The following MAN1A2 variants were observed in gnomAD, a reference collection of about 807,000 sequenced individuals.
The protein encoded by MAN1A2 is mannosidase alpha class 1A member 2.
MAN1A2 carries 26 observed loss-of-function variants against 75.7 expected under a neutral mutation model. The ratio of observed to expected loss-of-function variants is 0.34; its 90% confidence interval spans 0.25 to 0.48. The LOEUF is 0.48. Ranked by LOEUF, MAN1A2 falls within the 20% of genes least tolerant of loss-of-function variation. The pLI, the probability that MAN1A2 is intolerant of heterozygous loss-of-function variation, is 0.99. For missense variants in MAN1A2, 562 were observed against 775.5 expected (o/e 0.72, Z 3.27); for synonymous variants, 247 against 264.6 (o/e 0.93, Z 0.65).
chr1:117,376,480 C>A (rs1256607591), intron 1 of MAN1A2, among the ~76,000 whole-genome samples: 1 of 152,252 alleles, frequency 6.6e-6, no homozygotes, highest in Non-Finnish European at 1.5e-5. Flanking sequence ...CGCGCCAAGG[C>A]TCGCTCACGC....
intron 1 of MAN1A2, among the ~76,000 whole-genome samples, chr1:117,377,270 GTTTTCATGAC>G (rs1462467920): frequency 6.6e-6 from 1 of 152,136 alleles, no homozygotes; most frequent in African/African-American, 2.4e-5. Flanking sequence ...TAATAAATAT[GTTTTCATGAC>G]CTAGATTTTT....
At chr1:117,458,496 T>TATATA (rs1649677538) in intron 6 of MAN1A2, among the ~76,000 whole-genome samples, 1 of 74,472 alleles carries the variant, frequency 1.3e-5, no homozygotes, top group African/African-American at 6.8e-5. Context: ...TATATATATA[T>TATATA]CTATATATAT....
At position 117,487,944 on chromosome 1, in the gene MAN1A2, A is replaced by G. The variant is rs1308179770; in HGVS notation, c.1169-5203A>G. Among the ~76,000 whole-genome samples, 3 of 152,108 alleles carry G rather than the reference A, an allele frequency of 2.0e-5. No individual in the cohort carries two copies. The East Asian group carries it at 5.8e-4, about 29-fold the overall frequency. On this transcript the variant is annotated intron_variant, in intron 8 of 12. Transcript: ENST00000356554. ...TAACTATAATCTATTGTATAAATCCATCATACATTACCATCCTTATAAAAT... is the reference window on the plus strand; with the variant it reads ...TAACTATAATCTATTGTATAAATCCGTCATACATTACCATCCTTATAAAAT...
rs533632485 is a variant in MAN1A2, at chr1:117,498,424, A to G, written c.1505-958A>G. ...GTTACTATAATTAAATATTTACTCC[A>G]TGAAACAGGGAACAGCCATTATATG... On this transcript the variant is annotated intron_variant, in intron 10 of 12. Transcript: ENST00000356554. Among the ~76,000 whole-genome samples, 183 of 152,028 alleles carry G rather than the reference A, an allele frequency of 1.2e-3. 1 individual carries two copies. The highest frequency in any genetic ancestry group is 2.3e-3 in the Non-Finnish European group (153 of 67,874).
chr1:117,503,359 C>T (rs559141344), intron 12 of MAN1A2, among the ~76,000 whole-genome samples: 1 of 151,548 alleles, frequency 6.6e-6, no homozygotes, highest in African/African-American at 2.4e-5. Context: ...TGGACTCATA[C>T]CTGAGCTCCC....
intron 12 of MAN1A2, among the ~76,000 whole-genome samples, chr1:117,509,940 T>A (rs756251639): frequency 6.6e-6 from 1 of 151,556 alleles, no homozygotes; most frequent in Non-Finnish European, 1.5e-5. Context: ...CATATAAAAA[T>A]ATATATAATA....
chr1:117,440,188 A>C (rs947109479), intron 5 of MAN1A2, among the ~76,000 whole-genome samples: 4 of 152,168 alleles, frequency 2.6e-5, no homozygotes, highest in Non-Finnish European at 4.4e-5. Context: ...TCTGTGTTAG[A>C]GAGAGACAAA....
intron 8 of MAN1A2, among the ~76,000 whole-genome samples, chr1:117,476,584 A>G (rs911278384): frequency 2.0e-5 from 3 of 152,100 alleles, no homozygotes; most frequent in Non-Finnish European, 4.4e-5. Context: ...ATGGCTAGCC[A>G]GTTTTCCCAA....
In MAN1A2 at chr1:117,368,190, A is replaced by G; in HGVS notation, c.7A>G (p.Thr3Ala). 6.2e-6 allele frequency: 10 copies of G among 1,609,212 alleles called. No homozygotes were observed. Among genetic ancestry groups the G allele is most frequent in the African/African-American group, 2.7e-5 (2 of 74,706 alleles). The part of the protein sequence containing the change: MT[T>A]PALLPLSGRR... Reference sequence around the variant, plus strand: ...CTCTCCAAGAGCGTAAACGATGACTACCCCAGCCCTGCTGCCCCTCTCTGG... The same window carrying G: ...CTCTCCAAGAGCGTAAACGATGACTGCCCCAGCCCTGCTGCCCCTCTCTGG... Residue 3 changes from threonine (T) to alanine (A), a missense_variant, in exon 1 of 13, where the codon ACC becomes GCC. Physicochemically the swap from Thr to Ala is moderately conservative, Grantham distance 58 (BLOSUM62 0). This residue lies in a region of MAN1A2 where 128 missense variants were observed against 129.8 expected (regional missense o/e 0.99). Transcript: ENST00000356554.
chr1:117,409,549 G>T (rs937235893), intron 3 of MAN1A2, among the ~76,000 whole-genome samples: 3 of 151,882 alleles, frequency 2.0e-5, no homozygotes, highest in African/African-American at 7.3e-5. Context: ...TGCTGTTATT[G>T]TGTGGAATGT....
At chr1:117,412,993 G>A (rs566475741) in intron 3 of MAN1A2, among the ~76,000 whole-genome samples, 4 of 151,992 alleles carry the variant, frequency 2.6e-5, no homozygotes, top group East Asian at 3.9e-4. Flanking sequence ...GACACAAACA[G>A]TAGTCTCAAG....
In MAN1A2 at chr1:117,523,698, G is replaced by A. The variant is rs1651932548; in HGVS notation, c.*741G>A. Reference sequence around the variant, plus strand: ...GCTATTTATCATAATCACCACTTATGAGCCTGGGTTTGGGATTTTGTGCAT... The same window carrying A: ...GCTATTTATCATAATCACCACTTATAAGCCTGGGTTTGGGATTTTGTGCAT... On this transcript the variant is annotated 3_prime_UTR_variant, in exon 13 of 13. Coordinates refer to ENST00000356554, the MANE Select transcript of MAN1A2 (RefSeq NM_006699.5). The A allele has an allele frequency of 6.4e-6, 1 of 155,674 alleles. No individual in the cohort carries two copies. The highest frequency in any genetic ancestry group is 2.4e-5 in the African/African-American group (1 of 41,388). The allele number at this position is 155,674 out of a possible 1,614,324, so 9.6% of individuals were successfully genotyped here.
intron 1 of MAN1A2, among the ~76,000 whole-genome samples, chr1:117,393,792 G>A (rs1653812965): frequency 6.6e-6 from 1 of 152,106 alleles, no homozygotes; most frequent in Non-Finnish European, 1.5e-5. Context: ...CATATTCTTA[G>A]ACCTTATTCG....
At chr1:117,457,266 T>C (rs1649633763) in intron 6 of MAN1A2, among the ~76,000 whole-genome samples, 1 of 152,126 alleles carries the variant, frequency 6.6e-6, no homozygotes, top group South Asian at 2.1e-4. Context: ...CTTGTTTTTG[T>C]TTTTTGGTAT....
At chr1:117,381,897 A>G (rs1191884464) in intron 1 of MAN1A2, among the ~76,000 whole-genome samples, 1 of 151,606 alleles carries the variant, frequency 6.6e-6, no homozygotes, top group African/African-American at 2.4e-5. Context: ...GTGAGATGGT[A>G]TCTCATTGTG....
chr1:117,446,884 A>G (rs1649251910), intron 6 of MAN1A2, among the ~76,000 whole-genome samples: 2 of 152,082 alleles, frequency 1.3e-5, no homozygotes, highest in Admixed American at 1.3e-4. Context: ...TATCCCAAGT[A>G]TGATTGTGGA....
At chr1:117,464,778 C>G (rs1649933405) in intron 7 of MAN1A2, among the ~76,000 whole-genome samples, 1 of 152,096 alleles carries the variant, frequency 6.6e-6, no homozygotes, top group African/African-American at 2.4e-5. Context: ...TGCTGCATTT[C>G]CAATCTCAAG....
intron 1 of MAN1A2, among the ~76,000 whole-genome samples, chr1:117,370,737 T>TTGTG (rs1557921922): frequency 1.4e-4 from 6 of 43,882 alleles, no homozygotes; most frequent in South Asian, 1.1e-3. Context: ...TATCTTCATT[T>TTGTG]AGTGTGTGTG....
chr1:117,500,549 C>G (rs965379331), intron 11 of MAN1A2, among the ~76,000 whole-genome samples: 5 of 151,832 alleles, frequency 3.3e-5, no homozygotes, highest in Non-Finnish European at 5.9e-5. Flanking sequence ...AGACCACAGC[C>G]ATAACCTAGG....
Sources: allele counts gnomAD v4.1 joint callset (sites outside exome capture counted in the v4.1 genomes callset), GRCh38; gene constraint gnomAD v4.1.1; regional missense constraint gnomAD v4.1.1; transcripts MANE v1.5; gene names NCBI Gene and HGNC (gene_info 2026-07-23, HGNC 2026-07-21).